Variants in MPPED2 observed in about 807,000 individuals in gnomAD.
MPPED2 encodes metallophosphoesterase domain containing 2.
Under a neutral mutation model 33.0 loss-of-function variants are expected in MPPED2, and 5 were observed. That is an observed-to-expected ratio of 0.15 (90% CI 0.08 to 0.32). The LOEUF (loss-of-function observed/expected upper bound fraction) is 0.32, where lower values mean the gene tolerates loss of function less well. Ranked by LOEUF, MPPED2 falls within the 10% of genes least tolerant of loss-of-function variation. The pLI is 1.00. For synonymous variants in MPPED2, 136 were observed against 141.9 expected, an observed-to-expected ratio of 0.96 and a Z score of 0.29; for missense variants, 275 against 372.1, an observed-to-expected ratio of 0.74 and a Z score of 2.15.
chr11:30,510,412 T>C (rs957506438), intron 3 of MPPED2, among the ~76,000 whole-genome samples: 1 of 152,228 alleles, frequency 6.6e-6, no homozygotes, highest in African/African-American at 2.4e-5. Flanking sequence ...CTTTTACTTT[T>C]ATTTTCATCA....
intron 3 of MPPED2, among the ~76,000 whole-genome samples, chr11:30,527,339 G>GCC (rs1407241939): frequency 6.6e-6 from 1 of 150,966 alleles, no homozygotes; most frequent in East Asian, 1.9e-4. Flanking sequence ...TGTGAACCAT[G>GCC]CCTGGAAAGT....
intron 3 of MPPED2, among the ~76,000 whole-genome samples, chr11:30,524,298 G>A (rs1321374913): frequency 6.6e-6 from 1 of 151,872 alleles, no homozygotes; most frequent in Non-Finnish European, 1.5e-5. Context: ...AGAGAACAGG[G>A]GAGAAAACAG....
chr11:30,489,744 G>A (rs911154901), intron 4 of MPPED2, among the ~76,000 whole-genome samples: 3 of 152,284 alleles, frequency 2.0e-5, no homozygotes, highest in East Asian at 1.9e-4. Flanking sequence ...ACATTGGAAA[G>A]CCCCACTCAT....
chr11:30,467,248 G>C (rs1950748569), intron 4 of MPPED2, among the ~76,000 whole-genome samples: 1 of 152,120 alleles, frequency 6.6e-6, no homozygotes, highest in South Asian at 2.1e-4. Flanking sequence ...GAGGGTGAAG[G>C]GCTTCCAGAC....
intron 3 of MPPED2, among the ~76,000 whole-genome samples, chr11:30,519,306 A>G (rs1236989581): frequency 6.6e-6 from 1 of 152,078 alleles, no homozygotes; most frequent in Non-Finnish European, 1.5e-5. Flanking sequence ...ACGTACACAC[A>G]CAAAAAAGTA....
At chr11:30,420,545 CTA>C (rs1342393455) in intron 4 of MPPED2, among the ~76,000 whole-genome samples, 1 of 152,154 alleles carries the variant, frequency 6.6e-6, no homozygotes, top group Non-Finnish European at 1.5e-5. Flanking sequence ...TCTGAGCTGC[CTA>C]TAAAATGCAG....
At chr11:30,465,669 A>C (rs1417860975) in intron 4 of MPPED2, among the ~76,000 whole-genome samples, 1 of 152,188 alleles carries the variant, frequency 6.6e-6, no homozygotes, top group Non-Finnish European at 1.5e-5. Flanking sequence ...ATGTAGCCCT[A>C]ATTTGTGACC....
At chr11:30,512,755 C>T (rs1403278151) in intron 3 of MPPED2, among the ~76,000 whole-genome samples, 1 of 152,164 alleles carries the variant, frequency 6.6e-6, no homozygotes, top group Admixed American at 6.5e-5. Flanking sequence ...AATCCCAGCA[C>T]TTTGGAAGGT....
chr11:30,586,512 G>A (rs1033402207), upstream of MPPED2, among the ~76,000 whole-genome samples: 4 of 152,110 alleles, frequency 2.6e-5, no homozygotes, highest in Admixed American at 1.3e-4. The surrounding 1 kb of genome is among the most constrained non-coding windows in gnomAD (Gnocchi z 4.8). Flanking sequence ...GAAGCCCCAG[G>A]GTTTCGAGAG....
At chr11:30,403,321 A>G (rs970282340) in intron 6 of MPPED2, among the ~76,000 whole-genome samples, 2 of 152,176 alleles carry the variant, frequency 1.3e-5, no homozygotes, top group African/African-American at 4.8e-5. Flanking sequence ...TTTCGCTGGT[A>G]CTCAGAAATA....
At chr11:30,547,945 T>C (rs1392742823) in intron 2 of MPPED2, among the ~76,000 whole-genome samples, 1 of 152,208 alleles carries the variant, frequency 6.6e-6, no homozygotes, top group Non-Finnish European at 1.5e-5. Flanking sequence ...CTGTAATCAA[T>C]GTGACCACAA....
intron 2 of MPPED2, among the ~76,000 whole-genome samples, chr11:30,577,509 T>C (rs1236102712): frequency 6.6e-6 from 1 of 152,182 alleles, no homozygotes; most frequent in East Asian, 1.9e-4. Context: ...AGTTCTGCCA[T>C]GACATGTTGA....
intron 3 of MPPED2, among the ~76,000 whole-genome samples, chr11:30,522,572 C>T (rs1953934050): frequency 6.6e-6 from 1 of 152,120 alleles, no homozygotes; most frequent in Admixed American, 6.6e-5. Flanking sequence ...TCAATGGAGG[C>T]CGCCCACCAG....
In MPPED2 at chr11:30,580,341, A is replaced by T; in HGVS notation, c.33T>A (p.Val11=). The T allele has an allele frequency of 1.2e-6, 2 of 1,614,108 alleles. No homozygotes were observed. The highest frequency in any genetic ancestry group is 2.2e-5 in the South Asian group (2 of 91,074). ...AGCTGTACTCATCCACCGTTATGGT[A>T]ACTTTGCCTTGAGAAGGAATCCCAT... is the stretch of plus-strand genomic sequence containing the variant. The part of the protein sequence containing the change: MAHGIPSQGK[V]TITVDEYSSN... Residue 11 remains valine (V), a synonymous_variant, in exon 2 of 7, where the codon GTT becomes GTA. Transcript: ENST00000358117.
intron 2 of MPPED2, among the ~76,000 whole-genome samples, chr11:30,546,453 T>C (rs921646851): frequency 5.9e-5 from 9 of 152,134 alleles, no homozygotes; most frequent in African/African-American, 2.2e-4. Flanking sequence ...CAGCCCAAAT[T>C]GAGAACAAAT....
chr11:30,422,031 G>A (rs1249593714), intron 4 of MPPED2, among the ~76,000 whole-genome samples: 1 of 152,226 alleles, frequency 6.6e-6, no homozygotes, highest in African/African-American at 2.4e-5. Context: ...GAAGTGGGGA[G>A]ATGTGTGTGC....
At chr11:30,571,853 G>T (rs566374415) in intron 2 of MPPED2, among the ~76,000 whole-genome samples, 21 of 152,100 alleles carry the variant, frequency 1.4e-4, no homozygotes, top group Non-Finnish European at 4.4e-5. Context: ...AATTAAAATC[G>T]AGTATGTTGC....
exon 7 of MPPED2, chr11:30,386,583 C>G (rs1349405443): frequency 1.0e-5 from 4 of 396,662 alleles, no homozygotes; most frequent in Non-Finnish European, 1.3e-5. Flanking sequence ...GCAGCAAAAA[C>G]AGACTAACAC....
At chr11:30,429,000 G>C (rs1590227529) in intron 4 of MPPED2, 1 of 152,132 alleles carries the variant, frequency 6.6e-6, no homozygotes, top group Admixed American at 6.5e-5. Flanking sequence ...GAATTGAGTA[G>C]ATCTGTCACA....
Sources: allele counts gnomAD v4.1 joint callset (sites outside exome capture counted in the v4.1 genomes callset), GRCh38; gene constraint gnomAD v4.1.1; non-coding constraint Gnocchi (gnomAD v3.1); transcripts MANE v1.5; gene names NCBI Gene and HGNC (gene_info 2026-07-23, HGNC 2026-07-21).